The following OTUD7A variants were observed in gnomAD, a reference collection of about 807,000 sequenced individuals.
OTUD7A encodes the protein OTU domain-containing protein 7A.
OTUD7A carries 12 observed loss-of-function variants against 65.7 expected under a neutral mutation model. That is an observed-to-expected ratio of 0.18 (90% CI 0.12 to 0.30). OTUD7A has a LOEUF of 0.30. Ranked by LOEUF, OTUD7A falls within the 10% of genes least tolerant of loss-of-function variation. The pLI is 1.00. For missense variants in OTUD7A, 1,148 were observed against 1,304.8 expected (o/e 0.88, Z 1.85); for synonymous variants, 641 against 586.3 (o/e 1.09, Z -1.35).
chr15:31,842,897 T>C (rs1471777202), intron 1 of OTUD7A, among the ~76,000 whole-genome samples: 3 of 152,154 alleles, frequency 2.0e-5, no homozygotes, highest in African/African-American at 4.8e-5. Flanking sequence ...CAAATGCCAG[T>C]GTGACATGCA....
intron 1 of OTUD7A, among the ~76,000 whole-genome samples, chr15:31,740,780 A>G (rs1894321807): frequency 6.6e-6 from 1 of 152,236 alleles, no homozygotes; most frequent in South Asian, 2.1e-4. Flanking sequence ...AGATTCAACT[A>G]TATGCTGTTT....
chr15:31,787,394 A>C (rs1041214859), intron 1 of OTUD7A: 1 of 152,230 alleles, frequency 6.6e-6, no homozygotes, highest in Admixed American at 6.5e-5. Flanking sequence ...TCAGCTACGA[A>C]AAATGTTCAC....
At chr15:31,852,509 G>T (rs1298991643) in intron 1 of OTUD7A, among the ~76,000 whole-genome samples, 1 of 152,176 alleles carries the variant, frequency 6.6e-6, no homozygotes, top group Non-Finnish European at 1.5e-5. Context: ...TACAGTTTGG[G>T]TTCACAGATT....
At chr15:31,776,091 C>T (rs1051409511) in intron 1 of OTUD7A, among the ~76,000 whole-genome samples, 3 of 152,326 alleles carry the variant, frequency 2.0e-5, no homozygotes, top group East Asian at 1.9e-4. Context: ...ACTGCAGAGG[C>T]GCCCCGTCAT....
chr15:31,596,918 A>T (rs73374560), intron 3 of OTUD7A, among the ~76,000 whole-genome samples: 1,567 of 152,020 alleles, frequency 0.01, 28 homozygotes, highest in African/African-American at 0.036. Flanking sequence ...TTTGTGGCTT[A>T]CCTATTTATT....
At chr15:31,582,713 G>T (rs1202321156) in intron 3 of OTUD7A, among the ~76,000 whole-genome samples, 2 of 152,136 alleles carry the variant, frequency 1.3e-5, no homozygotes, top group Non-Finnish European at 2.9e-5. Context: ...ACCTGGCCCT[G>T]CCCTTGACCC....
At chr15:31,550,196 G>A (rs1490712983) in intron 5 of OTUD7A, among the ~76,000 whole-genome samples, 1 of 151,570 alleles carries the variant, frequency 6.6e-6, no homozygotes, top group Non-Finnish European at 1.5e-5. Context: ...TGGTCCCTCC[G>A]AGAACAGGAT....
At chr15:31,844,297 G>C (rs1361921319) in intron 1 of OTUD7A, among the ~76,000 whole-genome samples, 1 of 152,164 alleles carries the variant, frequency 6.6e-6, no homozygotes, top group Non-Finnish European at 1.5e-5. Context: ...ATGAGGTCAG[G>C]GGTTCGAGAC....
intron 3 of OTUD7A, among the ~76,000 whole-genome samples, chr15:31,627,081 G>A (rs1323693301): frequency 6.6e-6 from 1 of 151,806 alleles, no homozygotes; most frequent in South Asian, 2.1e-4. Flanking sequence ...GGTGGCTATG[G>A]CAACTTCTTT....
At chr15:31,601,512 A>T (rs1357768240) in intron 3 of OTUD7A, among the ~76,000 whole-genome samples, 1 of 152,206 alleles carries the variant, frequency 6.6e-6, no homozygotes, top group Admixed American at 6.5e-5. Context: ...AGCAGGAAAG[A>T]TCTAAAATCG....
intron 1 of OTUD7A, among the ~76,000 whole-genome samples, chr15:31,702,978 A>G (rs1893247942): frequency 6.6e-6 from 1 of 151,948 alleles, no homozygotes; most frequent in Non-Finnish European, 1.5e-5. Flanking sequence ...GACAGAGGAA[A>G]GATGGTCTTG....
intron 3 of OTUD7A, among the ~76,000 whole-genome samples, chr15:31,606,210 A>G (rs528171698): frequency 2.0e-5 from 3 of 152,336 alleles, no homozygotes; most frequent in Admixed American, 2.0e-4. Flanking sequence ...CTAGATATGC[A>G]GGGTTGTTGT....
chr15:31,492,232 T>C (rs1266190718), intron 10 of OTUD7A, among the ~76,000 whole-genome samples: 1 of 152,264 alleles, frequency 6.6e-6, no homozygotes, highest in African/African-American at 2.4e-5. Flanking sequence ...TAATACACTG[T>C]TGTAATATCC....
At chr15:31,830,838 A>C (rs1896913102) in intron 1 of OTUD7A, among the ~76,000 whole-genome samples, 1 of 152,248 alleles carries the variant, frequency 6.6e-6, no homozygotes, top group South Asian at 2.1e-4. Flanking sequence ...GCACAAGGAA[A>C]GTGAGTGTGA....
intron 1 of OTUD7A, chr15:31,689,552 T>C (rs921586084): frequency 9.2e-5 from 14 of 151,618 alleles, no homozygotes; most frequent in Non-Finnish European, 1.9e-4. Flanking sequence ...AATTTCAATT[T>C]TAGGATTAAT....
chr15:31,527,379 A>G (rs2042029553), intron 6 of OTUD7A, 71 bp from the exon 7 acceptor site: 1 of 1,559,274 alleles, frequency 6.4e-7, no homozygotes, highest in African/African-American at 1.4e-5. Flanking sequence ...AGGTGATGCA[A>G]ACTACCACGA....
In OTUD7A at chr15:31,770,793, C is replaced by T. The variant is rs62002707; in HGVS notation, c.-100+99714G>A. Among the ~76,000 whole-genome samples, 1,398 of 152,148 alleles carry T rather than the reference C, an allele frequency of 9.2e-3. 7 individuals are homozygous for T. Among genetic ancestry groups the T allele is most frequent in the Non-Finnish European group, 0.014 (977 of 67,988 alleles). On this transcript the variant is annotated intron_variant, in intron 1 of 12. Coordinates refer to ENST00000307050, the MANE Select transcript of OTUD7A (RefSeq NM_001382637.1). ...ATTATGTTAACAGAATAAATGAAAA[C>T]GCCAAATAATAATCTCACTAGATAC...
At chr15:31,739,559 A>T (rs1894282818) in intron 1 of OTUD7A, among the ~76,000 whole-genome samples, 1 of 152,176 alleles carries the variant, frequency 6.6e-6, no homozygotes, top group African/African-American at 2.4e-5. Context: ...AATAACTACT[A>T]AGGTTTTTAA....
chr15:31,766,483 T>C, intron 1 of OTUD7A: 1 of 1,602,778 alleles, frequency 6.2e-7, no homozygotes, highest in Non-Finnish European at 8.5e-7. Flanking sequence ...TCTATTGTAC[T>C]TTTGCAGAGT....
Sources: gnomAD v4.1 joint callset for allele counts (sites outside exome capture counted in the v4.1 genomes callset) on GRCh38, gnomAD v4.1.1 for gene constraint, MANE v1.5 for transcripts, NCBI Gene and HGNC (gene_info 2026-07-23, HGNC 2026-07-21) for gene names.